The following ADGRF5 variants were observed in gnomAD, a reference collection of about 807,000 sequenced individuals.
ADGRF5 encodes the protein G-protein coupled receptor 116.
A neutral mutation model predicts 132.3 loss-of-function variants in ADGRF5; 75 were observed. That is an observed-to-expected ratio of 0.57 (90% CI 0.47 to 0.69). The LOEUF (loss-of-function observed/expected upper bound fraction) is 0.69, where lower values mean the gene tolerates loss of function less well. Ranked by LOEUF, ADGRF5 falls within the 30% of genes least tolerant of loss-of-function variation. ADGRF5 has a pLI of 0.00. For synonymous variants in ADGRF5, 629 were observed against 597.6 expected (o/e 1.05, Z -0.77); for missense variants, 1,516 against 1,630.6 (o/e 0.93, Z 1.21).
intron 3 of ADGRF5, among the ~76,000 whole-genome samples, chr6:46,898,723 T>G (rs147284503): frequency 0.012 from 1,897 of 152,294 alleles, 15 homozygotes; most frequent in South Asian, 0.027. Flanking sequence ...CACTCTGATC[T>G]TAGGGTAAGC....
intron 12 of ADGRF5, among the ~76,000 whole-genome samples, chr6:46,867,543 T>C (rs925556947): frequency 4.6e-4 from 70 of 152,174 alleles, no homozygotes; most frequent in African/African-American, 1.7e-3. Flanking sequence ...TGGAACACTG[T>C]GGTGTTATGA....
At chr6:46,934,282 A>G (rs961378759) in intron 1 of ADGRF5, among the ~76,000 whole-genome samples, 10 of 152,206 alleles carry the variant, frequency 6.6e-5, no homozygotes, top group African/African-American at 2.4e-4. Flanking sequence ...GAGAGCAGCC[A>G]GCACACATAA....
At chr6:46,898,431 A>G (rs1774402581) in intron 3 of ADGRF5, among the ~76,000 whole-genome samples, 1 of 152,216 alleles carries the variant, frequency 6.6e-6, no homozygotes, top group Non-Finnish European at 1.5e-5. Context: ...GGTAGAGGTA[A>G]TGATACCTGT....
At position 46,900,030 on chromosome 6, in the gene ADGRF5, G is replaced by T. The variant is rs200874020; in HGVS notation, c.156C>A (p.Ala52=). The T allele has an allele frequency of 1.1e-5, 17 of 1,605,128 alleles. No individual in the cohort carries two copies. The highest frequency in any genetic ancestry group is 1.4e-5 in the Non-Finnish European group (16 of 1,171,952). The change falls in exon 3 of 21, where the codon GCC becomes GCA. Residue 52 remains alanine, a splice_region_variant and synonymous_variant. Coordinates refer to ENST00000283296, the MANE Select transcript of ADGRF5 (RefSeq NM_001098518.2). ...ATTGCCAAGCAAGAGTTTACATACC[G>T]GCTCGTTTTTGCCTCAGTGCCTCTT... ...AGEEALRQKR[A]VATKSPTAEE... is the part of the protein sequence containing the mutation.
At chr6:46,881,314 T>A in intron 8 of ADGRF5, 141 bp downstream of exon 8, 1 of 666,252 alleles carries the variant, frequency 1.5e-6, no homozygotes, top group Non-Finnish European at 2.6e-6. Context: ...GGCACTGGCA[T>A]AAGAGGAGGA....
rs775420700 is a variant in ADGRF5 at position 46,888,433 on chromosome 6, A to T, written c.230T>A (p.Leu77Gln). 6.2e-7 allele frequency: 1 copy of T among 1,611,680 alleles called. No individual in the cohort carries two copies. Among genetic ancestry groups the T allele is most frequent in the Non-Finnish European group, 8.5e-7 (1 of 1,177,728 alleles). ...IEISFENASF[L>Q]DPIKAYLNSL... Reference sequence around the variant, plus strand: ...GTTCAAGTAGGCTTTGATAGGATCCAGGAAGGATGCATTTTCAAAACTGAT... The same window carrying T: ...GTTCAAGTAGGCTTTGATAGGATCCTGGAAGGATGCATTTTCAAAACTGAT... Residue 77 changes from leucine (L) to glutamine (Q), a missense_variant, in exon 4 of 21, where the codon CTG becomes CAG. Around this residue, in one of 2 missense-constraint regions of ADGRF5, gnomAD observed 945 missense variants for 929.4 expected, o/e 1.02. Transcript: ENST00000283296.
chr6:46,926,571 C>T (rs141865678), upstream of ADGRF5, among the ~76,000 whole-genome samples: 93 of 152,170 alleles, frequency 6.1e-4, 1 homozygote, highest in African/African-American at 2.1e-3. Context: ...CCTCGGGGAG[C>T]GCTGACCACC....
In ADGRF5 at chr6:46,883,434, T is replaced by C. The variant is rs113116270; in HGVS notation, c.612+125A>G. ...ACATATTAATTCACCATCTCAGATG[T>C]AAAAGAATAATAAATCCACATCCGT... On this transcript the variant is annotated intron_variant, in intron 6 of 20. Transcript: ENST00000283296. 1.5e-3 allele frequency: 941 copies of C among 637,994 alleles called. 6 individuals are homozygous for C. The African/African-American group carries it at 0.016, about 11-fold the overall frequency. 39.5% of individuals were successfully genotyped at this position (637,994 alleles called of 1,614,324 possible).
chr6:46,913,767 G>A (rs866328691), intron 1 of ADGRF5, among the ~76,000 whole-genome samples: 1 of 152,180 alleles, frequency 6.6e-6, no homozygotes, highest in African/African-American at 2.4e-5. Context: ...CTTCCCACAT[G>A]TAAGCTGCTT....
At chr6:46,937,699 T>C (rs1232698351) in intron 1 of ADGRF5, among the ~76,000 whole-genome samples, 2 of 152,198 alleles carry the variant, frequency 1.3e-5, no homozygotes, top group African/African-American at 2.4e-5. Context: ...TTATATAATA[T>C]ACCAGCATCA....
At chr6:46,869,432 A>C in intron 11 of ADGRF5, 1 of 972,658 alleles carries the variant, frequency 1.0e-6, no homozygotes, top group Non-Finnish European at 1.2e-6. Flanking sequence ...CTCCCCTCCA[A>C]CCTCCTCTGT....
At chr6:46,926,902 A>G (rs1213624832), upstream of ADGRF5, among the ~76,000 whole-genome samples, 2 of 152,132 alleles carry the variant, frequency 1.3e-5, no homozygotes, top group Non-Finnish European at 2.9e-5. Flanking sequence ...TTGTCCATGA[A>G]CACTGGGCAG....
chr6:46,864,109 T>A (rs114896780), intron 14 of ADGRF5, among the ~76,000 whole-genome samples: 237 of 152,362 alleles, frequency 1.6e-3, no homozygotes, highest in Admixed American at 2.6e-3. Flanking sequence ...GAGTTGCTTA[T>A]GGTAGAAGCC....
chr6:46,942,491 A>C lies in ADGRF5; in HGVS notation c.-25+12243T>G, dbSNP rs146426457. Reference sequence around the variant, plus strand: ...CTAGCTACTTAAATTTGGGTAAGTTACTTAATCTCTCTGATCCTCAGTTTT... The same window carrying C: ...CTAGCTACTTAAATTTGGGTAAGTTCCTTAATCTCTCTGATCCTCAGTTTT... On this transcript the variant is annotated intron_variant, in intron 1 of 20. Coordinates refer to the ADGRF5 transcript ENST00000265417. Among the ~76,000 whole-genome samples, 475 of 152,318 alleles carry C rather than the reference A, an allele frequency of 3.1e-3. 2 individuals carry two copies. Among genetic ancestry groups the C allele is most frequent in the African/African-American group, 0.011 (440 of 41,572 alleles).
Position 46,860,700 on chromosome 6 carries a change from GT to G in ADGRF5, c.2379+14del. ...GGTAAGACCCAAAACTCCTGCAAAG[GT>G]TAAGCAAACTCACCGTCATCATTTC... On this transcript the variant is annotated intron_variant, in intron 16 of 20. Coordinates refer to ENST00000283296, the MANE Select transcript of ADGRF5 (RefSeq NM_001098518.2). 1 of 1,604,090 alleles carries G rather than the reference GT, an allele frequency of 6.2e-7. No individual in the cohort carries two copies. Among genetic ancestry groups the G allele is most frequent in the Non-Finnish European group, 8.5e-7 (1 of 1,172,136 alleles).
chr6:46,898,867 C>T (rs1316924667), intron 3 of ADGRF5, among the ~76,000 whole-genome samples: 1 of 152,154 alleles, frequency 6.6e-6, no homozygotes, highest in Admixed American at 6.5e-5. Flanking sequence ...GACACTCAGC[C>T]AGCAGACGTT....
In ADGRF5 at chr6:46,858,243, G is replaced by A. The variant is rs1045207231; in HGVS notation, c.3660C>T (p.Ser1220=). 2 of 1,613,948 alleles carry A rather than the reference G, an allele frequency of 1.2e-6. No homozygotes were observed. The highest frequency in any genetic ancestry group is 2.7e-5 in the African/African-American group (2 of 74,878). Residue 1220 remains serine (S), a synonymous_variant, in exon 17 of 21, where the codon AGC becomes AGT. Transcript: ENST00000283296. ...CCAAGAGTGGTGTGAGGACCCCAAT[G>A]CTCTTGCTGATCTGAAACAGGCTGC... ...EKSSLFQISK[S]IGVLTPLLGL...
In ADGRF5 at chr6:46,906,647, T is replaced by C. The variant is rs1189107494; in HGVS notation, c.102+14A>G. On this transcript the variant is annotated intron_variant, in intron 2 of 20. Transcript: ENST00000283296. ...GTGACAAGAAAAATTATAGCAGATATGGATATAACTCACCAAAGGATGAAT... is the reference window on the plus strand; with the variant it reads ...GTGACAAGAAAAATTATAGCAGATACGGATATAACTCACCAAAGGATGAAT... 5.6e-6 allele frequency: 7 copies of C among 1,239,014 alleles called. No individual in the cohort carries two copies. The African/African-American group carries it at 1.1e-4, about 19-fold the overall frequency. The allele number at this position is 1,239,014 out of a possible 1,614,324, so 76.8% of individuals were successfully genotyped here. A position where few individuals can be genotyped will look rare whatever the true frequency, so the allele number is the denominator to read the frequency against.
intron 5 of ADGRF5, 102 bp downstream of exon 5, chr6:46,883,993 C>T (rs182942206): frequency 4.6e-5 from 44 of 955,880 alleles, no homozygotes; most frequent in Middle Eastern, 2.4e-4. Flanking sequence ...CCATCCACAT[C>T]GGACTATCAA....
Sources: allele counts gnomAD v4.1 joint callset (sites outside exome capture counted in the v4.1 genomes callset), GRCh38; gene constraint gnomAD v4.1.1; regional missense constraint gnomAD v4.1.1; transcripts MANE v1.5; gene names NCBI Gene and HGNC (gene_info 2026-07-23, HGNC 2026-07-21).